The following KAZN variants were observed in gnomAD, a reference collection of about 807,000 sequenced individuals.
KAZN encodes kazrin.
KAZN carries 40 observed loss-of-function variants against 87.4 expected under a neutral mutation model. The observed-to-expected ratio is 0.46, with a 90% CI of 0.36 to 0.60. The LOEUF is 0.60. KAZN is among the 20% of genes least tolerant of loss of function. The pLI, the probability that KAZN is intolerant of heterozygous loss-of-function variation, is 0.00. For missense variants in KAZN, 898 were observed against 1,073.9 expected (o/e 0.84, Z 2.29); for synonymous variants, 466 against 458.3 (o/e 1.02, Z -0.22).
At chr1:14,091,881 A>T (rs1644003643) in intron 1 of KAZN, among the ~76,000 whole-genome samples, 1 of 152,130 alleles carries the variant, frequency 6.6e-6, no homozygotes. Flanking sequence ...CAGAAAATTT[A>T]GACTTTGGCT....
intron 1 of KAZN, among the ~76,000 whole-genome samples, chr1:14,608,205 G>A (rs149791501): frequency 1.3e-5 from 2 of 152,278 alleles, no homozygotes; most frequent in East Asian, 1.9e-4. Flanking sequence ...TTTGCTTAAC[G>A]CCTTCCCTTC....
chr1:14,932,960 A>G (rs1459892025), intron 1 of KAZN, among the ~76,000 whole-genome samples: 2 of 152,158 alleles, frequency 1.3e-5, no homozygotes, highest in African/African-American at 4.8e-5. Flanking sequence ...ACCATGGCCC[A>G]TTAAACACTA....
At chr1:14,841,725 C>T (rs1210797873) in intron 1 of KAZN, among the ~76,000 whole-genome samples, 1 of 152,172 alleles carries the variant, frequency 6.6e-6, no homozygotes, top group East Asian at 1.9e-4. Context: ...TTGTATTTTC[C>T]TTTCTTCTCT....
chr1:14,802,888 GAGC>G (rs1412146377), intron 1 of KAZN, among the ~76,000 whole-genome samples: 1 of 152,140 alleles, frequency 6.6e-6, no homozygotes, highest in African/African-American at 2.4e-5. Flanking sequence ...AACGAGGAGT[GAGC>G]AGCATTGGCT....
intron 2 of KAZN, among the ~76,000 whole-genome samples, chr1:14,283,487 A>C (rs774440251): frequency 1.3e-5 from 2 of 152,238 alleles, no homozygotes; most frequent in African/African-American, 2.4e-5. Flanking sequence ...ATGTATGAAA[A>C]GATGCTCAAC....
At chr1:14,668,409 A>G (rs1412857556) in intron 1 of KAZN, among the ~76,000 whole-genome samples, 1 of 152,060 alleles carries the variant, frequency 6.6e-6, no homozygotes, top group African/African-American at 2.4e-5. Flanking sequence ...CCCGTATCTC[A>G]GATGAGGAAG....
intron 2 of KAZN, among the ~76,000 whole-genome samples, chr1:14,301,648 C>T (rs991916201): frequency 6.6e-5 from 10 of 152,248 alleles, no homozygotes; most frequent in Non-Finnish European, 1.2e-4. Flanking sequence ...CATATGCCAG[C>T]AGCAGGAAGC....
At chr1:14,627,406 A>T (rs1322356207) in intron 1 of KAZN, among the ~76,000 whole-genome samples, 1 of 152,006 alleles carries the variant, frequency 6.6e-6, no homozygotes, top group Non-Finnish European at 1.5e-5. Context: ...TGGGCCAGAG[A>T]GTGCAGAGGA....
At chr1:13,936,411 A>G (rs1002641935) in intron 1 of KAZN, among the ~76,000 whole-genome samples, 6 of 151,984 alleles carry the variant, frequency 3.9e-5, no homozygotes, top group Non-Finnish European at 8.8e-5. Flanking sequence ...CTACAAGTGC[A>G]GTTTTGCTAT....
At chr1:14,031,722 A>G (rs1418657549) in intron 1 of KAZN, among the ~76,000 whole-genome samples, 2 of 152,148 alleles carry the variant, frequency 1.3e-5, no homozygotes, top group African/African-American at 4.8e-5. Context: ...CGCTACTTTT[A>G]TCTCATGAAT....
At chr1:14,671,924 G>A (rs753458611) in intron 1 of KAZN, among the ~76,000 whole-genome samples, 17 of 152,120 alleles carry the variant, frequency 1.1e-4, no homozygotes, top group Admixed American at 9.2e-4. Context: ...TCCCATTAGC[G>A]CAAGCCTCTG....
chr1:14,395,751 C>T (rs1040199668), intron 2 of KAZN, among the ~76,000 whole-genome samples: 14 of 152,186 alleles, frequency 9.2e-5, no homozygotes, highest in African/African-American at 2.9e-4. Context: ...ACAAGACTCG[C>T]GCTGAGTTAG....
intron 2 of KAZN, among the ~76,000 whole-genome samples, chr1:14,347,656 A>G (rs1444780506): frequency 1.3e-5 from 2 of 152,124 alleles, no homozygotes; most frequent in Non-Finnish European, 2.9e-5. Flanking sequence ...ATTTGTATGA[A>G]AAGTTATGTG....
At chr1:14,909,976 C>T (rs577678933) in intron 1 of KAZN, among the ~76,000 whole-genome samples, 1 of 152,236 alleles carries the variant, frequency 6.6e-6, no homozygotes, top group East Asian at 1.9e-4. Context: ...TCGCTTGCAC[C>T]TGGGAGGCGG....
chr1:15,009,183 C>T (rs781572615), intron 2 of KAZN, among the ~76,000 whole-genome samples: 7 of 152,188 alleles, frequency 4.6e-5, no homozygotes, highest in Non-Finnish European at 1.0e-4. Context: ...ATCCTGGGCA[C>T]GTCCTGCAAA....
At chr1:14,413,706 T>C (rs914338106) in intron 2 of KAZN, among the ~76,000 whole-genome samples, 2 of 150,206 alleles carry the variant, frequency 1.3e-5, no homozygotes, top group Non-Finnish European at 2.9e-5. Flanking sequence ...AAAGAAAATA[T>C]GGTAATCTGA....
At chr1:14,079,723 G>C (rs1019327800) in intron 1 of KAZN, among the ~76,000 whole-genome samples, 1 of 152,216 alleles carries the variant, frequency 6.6e-6, no homozygotes, top group Non-Finnish European at 1.5e-5. Flanking sequence ...GGGTACAGCT[G>C]CAAGTGCTGC....
At chr1:13,945,970 A>G (rs1434494013) in intron 1 of KAZN, among the ~76,000 whole-genome samples, 3 of 152,218 alleles carry the variant, frequency 2.0e-5, no homozygotes, top group African/African-American at 4.8e-5. Flanking sequence ...GGTTGTTTCC[A>G]AAAAAGGCCT....
At chr1:14,416,962 G>C (rs1196280094) in intron 2 of KAZN, among the ~76,000 whole-genome samples, 2 of 148,632 alleles carry the variant, frequency 1.3e-5, no homozygotes, top group African/African-American at 2.5e-5. Context: ...GTGTATGTGT[G>C]TATACATATG....
Sources: allele counts gnomAD v4.1 joint callset (sites outside exome capture counted in the v4.1 genomes callset), GRCh38; gene constraint gnomAD v4.1.1; transcripts MANE v1.5; gene names NCBI Gene and HGNC (gene_info 2026-07-23, HGNC 2026-07-21).